Variants in TLE1 observed in about 807,000 individuals in gnomAD.
The protein encoded by TLE1 is TLE family member 1, transcriptional corepressor.
In TLE1, 21 loss-of-function variants were observed where a neutral mutation model predicts 89.8. The observed-to-expected ratio is 0.23, with a 90% confidence interval of 0.17 to 0.34. The LOEUF (loss-of-function observed/expected upper bound fraction) is 0.34. TLE1 is among the 10% of genes least tolerant of loss of function. The pLI, the probability that TLE1 is intolerant of heterozygous loss-of-function variation, is 1.00. For missense variants in TLE1, 795 were observed against 1,031.2 expected (o/e 0.77, Z 3.14); for synonymous variants, 447 against 407.6 (o/e 1.10, Z -1.16).
At chr9:81,662,973 G>A (rs60188111) in intron 4 of TLE1, among the ~76,000 whole-genome samples, 1,835 of 151,938 alleles carry the variant, frequency 0.012, 36 homozygotes, top group African/African-American at 0.034. Context: ...TCAGCCTCCC[G>A]AGTGGCTGGG....
intron 4 of TLE1, among the ~76,000 whole-genome samples, chr9:81,663,194 G>A (rs959839396): frequency 5.9e-5 from 9 of 152,128 alleles, no homozygotes; most frequent in Admixed American, 1.3e-4. Context: ...GATAAGCGCC[G>A]TCAGGCTCAC....
At chr9:81,656,663 T>TGC (rs1830182701) in intron 4 of TLE1, among the ~76,000 whole-genome samples, 1 of 152,210 alleles carries the variant, frequency 6.6e-6, no homozygotes. Flanking sequence ...TTACATACCC[T>TGC]GCCTTTCTAT....
intron 4 of TLE1, among the ~76,000 whole-genome samples, chr9:81,683,639 C>T (rs955686821): frequency 6.6e-6 from 1 of 152,158 alleles, no homozygotes; most frequent in Non-Finnish European, 1.5e-5. Flanking sequence ...CACTACTTTG[C>T]ACAGCACTCT....
chr9:81,598,031 A>T (rs2777776), intron 14 of TLE1, among the ~76,000 whole-genome samples: 2 of 151,774 alleles, frequency 1.3e-5, no homozygotes, highest in Non-Finnish European at 2.9e-5. Context: ...ATAATGAAGA[A>T]CCACAGACCC....
intron 6 of TLE1, among the ~76,000 whole-genome samples, chr9:81,644,552 A>C (rs1032250668): frequency 1.3e-5 from 2 of 152,142 alleles, no homozygotes; most frequent in Admixed American, 6.5e-5. Context: ...TAGCAGCCAG[A>C]GGTTAGGGGA....
At chr9:81,641,795 G>C (rs958708942) in intron 6 of TLE1, among the ~76,000 whole-genome samples, 1 of 152,218 alleles carries the variant, frequency 6.6e-6, no homozygotes, top group Admixed American at 6.5e-5. Flanking sequence ...GGCCGAGGTG[G>C]ACGGATCACC....
At chr9:81,642,700 T>TGAAGGAAAA (rs1828288969) in intron 6 of TLE1, among the ~76,000 whole-genome samples, 1 of 58,942 alleles carries the variant, frequency 1.7e-5, no homozygotes, top group Non-Finnish European at 3.2e-5. Flanking sequence ...TCTCAAAAAA[T>TGAAGGAAAA]GAAAGAAAAG....
Position 81,610,377 on chromosome 9 carries a change from T to C in TLE1, c.1255-81A>G, listed in dbSNP as rs556229473. ...AACATCAATACTGTTCATTAGAAAC[T>C]CACAGATCCCCAAAGCAACATAAAT... On this transcript the variant is annotated intron_variant, in intron 13 of 19. Coordinates refer to ENST00000376499, the MANE Select transcript of TLE1 (RefSeq NM_005077.5). The C allele has an allele frequency of 5.8e-6, 6 of 1,030,274 alleles. No individual in the cohort carries two copies. In the East Asian group the frequency reaches 9.8e-5, roughly 17 times the overall value. 63.8% of individuals were successfully genotyped at this position (1,030,274 alleles called of 1,614,324 possible).
At chr9:81,628,619 G>GA (rs543845258) in intron 8 of TLE1, among the ~76,000 whole-genome samples, 257 of 152,060 alleles carry the variant, frequency 1.7e-3, no homozygotes, top group African/African-American at 6.0e-3. Flanking sequence ...AGTAACAAAA[G>GA]AAAGAAACCA....
chr9:81,649,023 T>C (rs1829217349), intron 6 of TLE1, among the ~76,000 whole-genome samples: 1 of 152,088 alleles, frequency 6.6e-6, no homozygotes, highest in Non-Finnish European at 1.5e-5. Flanking sequence ...ATACATTTAA[T>C]AGGAAAAGAA....
At chr9:81,667,858 C>G (rs1317015597) in intron 4 of TLE1, among the ~76,000 whole-genome samples, 1 of 152,138 alleles carries the variant, frequency 6.6e-6, no homozygotes, top group African/African-American at 2.4e-5. Context: ...AACTCACTCT[C>G]AAAGTAGCCA....
At chr9:81,622,843 G>A (rs1027066640) in intron 8 of TLE1, among the ~76,000 whole-genome samples, 2 of 152,116 alleles carry the variant, frequency 1.3e-5, no homozygotes, top group African/African-American at 4.8e-5. Context: ...AGTGTGGGCT[G>A]GAAAGGCCCA....
chr9:81,670,234 G>A (rs929911651), intron 4 of TLE1, among the ~76,000 whole-genome samples: 4 of 152,108 alleles, frequency 2.6e-5, no homozygotes, highest in Admixed American at 1.3e-4. Flanking sequence ...ACCAGTATGC[G>A]ACAAACAGTA....
intron 11 of TLE1, among the ~76,000 whole-genome samples, chr9:81,614,926 G>A (rs557580836): frequency 1.3e-5 from 2 of 151,424 alleles, no homozygotes; most frequent in South Asian, 2.1e-4. Context: ...CAGGTGCGGT[G>A]GCTCACACCT....
At chr9:81,678,531 G>T (rs1298845476) in intron 4 of TLE1, among the ~76,000 whole-genome samples, 1 of 152,126 alleles carries the variant, frequency 6.6e-6, no homozygotes, top group African/African-American at 2.4e-5. Context: ...AAAAATTTAG[G>T]GGCTGGGAGC....
At chr9:81,617,256 G>C (rs1012676976) in intron 9 of TLE1, among the ~76,000 whole-genome samples, 2 of 152,020 alleles carry the variant, frequency 1.3e-5, no homozygotes, top group Non-Finnish European at 2.9e-5. Context: ...TTAGCAATCA[G>C]CTTGAAGTAT....
chr9:81,646,347 C>T (rs1189588384), intron 6 of TLE1, among the ~76,000 whole-genome samples: 4 of 152,096 alleles, frequency 2.6e-5, no homozygotes, highest in Non-Finnish European at 2.9e-5. Context: ...TCTTTCCCTT[C>T]GGAAATTTAA....
At chr9:81,654,735 A>G (rs1025782743) in intron 4 of TLE1, among the ~76,000 whole-genome samples, 3 of 152,196 alleles carry the variant, frequency 2.0e-5, no homozygotes, top group Non-Finnish European at 4.4e-5. Flanking sequence ...CAGCTGCAGC[A>G]CTGTCAAAGC....
At chr9:81,610,592 G>C (rs1823570497) in intron 13 of TLE1, among the ~76,000 whole-genome samples, 1 of 152,156 alleles carries the variant, frequency 6.6e-6, no homozygotes, top group African/African-American at 2.4e-5. Flanking sequence ...TCACAGAGCA[G>C]TATGTTGTAT....
Sources: allele counts gnomAD v4.1 joint callset (sites outside exome capture counted in the v4.1 genomes callset), GRCh38; gene constraint gnomAD v4.1.1; transcripts MANE v1.5; gene names NCBI Gene and HGNC (gene_info 2026-07-23, HGNC 2026-07-21).